Variants in IGF1R observed in about 807,000 individuals in gnomAD.
IGF1R encodes insulin like growth factor 1 receptor.
A neutral mutation model predicts 144.6 loss-of-function variants in IGF1R; 44 were observed. The ratio of observed to expected loss-of-function variants is 0.30; its 90% CI spans 0.24 to 0.39. The LOEUF (loss-of-function observed/expected upper bound fraction) is 0.39. IGF1R is among the 10% of genes least tolerant of loss of function. The pLI is 1.00. For missense variants in IGF1R, 1,355 were observed against 1,833.7 expected (o/e 0.74, Z 4.77); for synonymous variants, 795 against 722.8 (o/e 1.10, Z -1.60).
Position 98,958,590 on chromosome 15 carries a change from A to G in IGF1R, c.*1148A>G, listed in dbSNP as rs2017105222. ...TTTTCTCTGTTCCTAGGACTTCTTC[A>G]TGGGTCTTACAGTTCTATGTTAGAC... On this transcript the variant is annotated 3_prime_UTR_variant, in exon 21 of 21. Transcript: ENST00000650285. 4.3e-6 allele frequency: 1 copy of G among 232,694 alleles called. No individual in the cohort carries two copies. The highest frequency in any genetic ancestry group is 8.5e-6 in the Non-Finnish European group (1 of 117,478). 14.4% of individuals were successfully genotyped at this position (232,694 alleles called of 1,614,324 possible).
chr15:98,808,956 G>C (rs2056526864), intron 2 of IGF1R, among the ~76,000 whole-genome samples: 1 of 152,112 alleles, frequency 6.6e-6, no homozygotes, highest in Non-Finnish European at 1.5e-5. Context: ...CAAAGTGCTG[G>C]GATTACAGGC....
intron 1 of IGF1R, among the ~76,000 whole-genome samples, chr15:98,662,442 T>C (rs552963529): frequency 6.6e-6 from 1 of 152,252 alleles, no homozygotes; most frequent in East Asian, 1.9e-4. Flanking sequence ...GTCATGTCCC[T>C]ATCTGTGGAA....
At chr15:98,665,288 A>AGC (rs1164544804) in intron 1 of IGF1R, among the ~76,000 whole-genome samples, 2 of 152,140 alleles carry the variant, frequency 1.3e-5, no homozygotes, top group African/African-American at 4.8e-5. Context: ...GAGTTTGACA[A>AGC]GCGCTCCACT....
intron 1 of IGF1R, among the ~76,000 whole-genome samples, chr15:98,654,229 A>G (rs1362787695): frequency 1.3e-5 from 2 of 152,174 alleles, no homozygotes; most frequent in Non-Finnish European, 2.9e-5. Flanking sequence ...GTAGACTGTG[A>G]CATACAGGTG....
intron 2 of IGF1R, among the ~76,000 whole-genome samples, chr15:98,799,495 C>CT (rs2056316890): frequency 6.6e-6 from 1 of 152,134 alleles, no homozygotes; most frequent in Non-Finnish European, 1.5e-5. Flanking sequence ...AGCTTGCTAT[C>CT]TTGATATGTT....
At position 98,908,682 on chromosome 15, in the gene IGF1R, T is replaced by C. The variant is rs1351660871; in HGVS notation, c.1248-3T>C. Reference sequence around the variant, plus strand: ...GCGCTAACATCGATTTCTGTGCTTCTAGGAATTACTCCTTCTACGTCCTCG... The same window carrying C: ...GCGCTAACATCGATTTCTGTGCTTCCAGGAATTACTCCTTCTACGTCCTCG... On this transcript the variant is annotated splice_region_variant and splice_polypyrimidine_tract_variant and intron_variant, in intron 5 of 20. Transcript: ENST00000650285. 1 of 1,613,432 alleles carries C rather than the reference T, an allele frequency of 6.2e-7. No homozygotes were observed. Among genetic ancestry groups the C allele is most frequent in the South Asian group, 1.1e-5 (1 of 90,964 alleles).
chr15:98,731,243 G>A (rs2054490092), intron 2 of IGF1R, among the ~76,000 whole-genome samples: 1 of 152,198 alleles, frequency 6.6e-6, no homozygotes, highest in African/African-American at 2.4e-5. Flanking sequence ...CATGGGATGT[G>A]TGAATCCTTT....
At chr15:98,755,668 T>A (rs1329277395) in intron 2 of IGF1R, among the ~76,000 whole-genome samples, 1 of 124,640 alleles carries the variant, frequency 8.0e-6, no homozygotes, top group South Asian at 2.5e-4. Context: ...GCAGTGAGCC[T>A]ACATCGTGCC....
At chr15:98,744,488 C>T (rs1351534256) in intron 2 of IGF1R, among the ~76,000 whole-genome samples, 2 of 151,988 alleles carry the variant, frequency 1.3e-5, no homozygotes, top group Non-Finnish European at 2.9e-5. Flanking sequence ...AGTAGAGAAG[C>T]ATGGCTGTGC....
chr15:98,756,249 GTTT>G (rs35407450), intron 2 of IGF1R, among the ~76,000 whole-genome samples: 23 of 142,164 alleles, frequency 1.6e-4, no homozygotes, highest in African/African-American at 4.4e-4. Context: ...GAAATAACCT[GTTT>G]TTTTTTTTTT....
At chr15:98,904,218 A>AT in intron 5 of IGF1R, among the ~76,000 whole-genome samples, 1 of 151,698 alleles carries the variant, frequency 6.6e-6, no homozygotes, top group South Asian at 2.1e-4. Flanking sequence ...CGCCCGACTA[A>AT]TTTTTTTGTA....
At chr15:98,791,815 T>C (rs1420799250) in intron 2 of IGF1R, among the ~76,000 whole-genome samples, 1 of 152,266 alleles carries the variant, frequency 6.6e-6, no homozygotes, top group Non-Finnish European at 1.5e-5. Context: ...GAAGGTAGCA[T>C]GTTTAACGTT....
intron 20 of IGF1R, among the ~76,000 whole-genome samples, chr15:98,952,381 T>C (rs762976536): frequency 6.6e-6 from 1 of 151,998 alleles, no homozygotes; most frequent in Non-Finnish European, 1.5e-5. Flanking sequence ...GCGCAGCCAC[T>C]GTTTTCTTGC....
chr15:98,720,314 G>GA (rs1433177320), intron 2 of IGF1R, among the ~76,000 whole-genome samples: 2 of 152,210 alleles, frequency 1.3e-5, no homozygotes, highest in Non-Finnish European at 2.9e-5. Flanking sequence ...GTCTATTGCA[G>GA]AAAGCACGAT....
chr15:98,845,786 T>G (rs758785795), intron 2 of IGF1R, among the ~76,000 whole-genome samples: 1 of 152,026 alleles, frequency 6.6e-6, no homozygotes, highest in African/African-American at 2.4e-5. Context: ...TGCCCATAAG[T>G]GTTTCAAAGT....
intron 5 of IGF1R, among the ~76,000 whole-genome samples, chr15:98,906,865 C>G (rs989298213): frequency 6.6e-6 from 1 of 152,202 alleles, no homozygotes; most frequent in African/African-American, 2.4e-5. Flanking sequence ...CTCTGTCTTT[C>G]GACTCACTTG....
chr15:98,815,475 A>G (rs990752410), intron 2 of IGF1R, among the ~76,000 whole-genome samples: 25 of 152,384 alleles, frequency 1.6e-4, no homozygotes, highest in African/African-American at 5.5e-4. Flanking sequence ...GGCTGGGCCC[A>G]TGCAAACAGG....
chr15:98,728,575 C>T (rs1240046858), intron 2 of IGF1R, among the ~76,000 whole-genome samples: 1 of 152,226 alleles, frequency 6.6e-6, no homozygotes, highest in Non-Finnish European at 1.5e-5. Context: ...TAGCAGCAGA[C>T]GTTCAAGAGG....
At chr15:98,843,749 T>C (rs2011219831) in intron 2 of IGF1R, among the ~76,000 whole-genome samples, 1 of 152,166 alleles carries the variant, frequency 6.6e-6, no homozygotes, top group Non-Finnish European at 1.5e-5. Context: ...TTCAGTGCTT[T>C]CTTCAGAGTG....
Sources: allele counts gnomAD v4.1 joint callset (sites outside exome capture counted in the v4.1 genomes callset), GRCh38; gene constraint gnomAD v4.1.1; transcripts MANE v1.5; gene names NCBI Gene and HGNC (gene_info 2026-07-23, HGNC 2026-07-21).